ACYP2: variants seen among roughly 807,000 people sequenced by gnomAD.
ACYP2 encodes the protein acylphosphatase-2.
Under a neutral mutation model 11.2 loss-of-function variants are expected in ACYP2, and 12 were observed. The ratio of observed to expected loss-of-function variants is 1.08; its 90% CI spans 0.69 to 1.74. The LOEUF (loss-of-function observed/expected upper bound fraction) is 1.74. Ranked by LOEUF, ACYP2 falls within the 40% of genes most tolerant of loss-of-function variation. The probability of loss-of-function intolerance (pLI) is 0.00; values close to 1 mark genes in which losing one functional copy is unlikely to be tolerated. For synonymous variants in ACYP2, 43 were observed against 32.2 expected (o/e 1.33, Z -1.13); for missense variants, 134 against 101.9 (o/e 1.31, Z -1.35).
At chr2:54,204,699 A>G (rs1685001192) in intron 6 of ACYP2, among the ~76,000 whole-genome samples, 1 of 152,104 alleles carries the variant, frequency 6.6e-6, no homozygotes, top group African/African-American at 2.4e-5. Flanking sequence ...AGCTCCTTTG[A>G]TCTAAAAAAC....
chr2:54,053,991 C>G (rs74487521), intron 3 of ACYP2, among the ~76,000 whole-genome samples: 199 of 152,308 alleles, frequency 1.3e-3, no homozygotes, highest in Non-Finnish European at 2.0e-3. Context: ...GATGTTGATA[C>G]TGGCACAGAC....
Position 53,974,054 on chromosome 2 carries a change from G to A in ACYP2, c.62+244G>A, listed in dbSNP as rs192664129. Among the ~76,000 whole-genome samples the A allele has an allele frequency of 1.5e-3, 222 of 151,174 alleles. 1 individual carries two copies. Among genetic ancestry groups the A allele is most frequent in the African/African-American group, 4.9e-3 (200 of 41,188 alleles). On this transcript the variant is annotated intron_variant, in intron 2 of 6. Transcript: ENST00000607452. Reference sequence around the variant, plus strand: ...CTCGAGTAGCTGGGACCACAGGTGCGCACCACCACATCCAGATAATTTTTT... The same window carrying A: ...CTCGAGTAGCTGGGACCACAGGTGCACACCACCACATCCAGATAATTTTTT...
At chr2:53,973,900 TGTATATA>T (rs1671321592) in intron 2 of ACYP2, 1 of 103,888 alleles carries the variant, frequency 9.6e-6, no homozygotes, top group Non-Finnish European at 1.9e-5. Flanking sequence ...TGTGTGTGTG[TGTATATA>T]TTTTTTTTTT....
At chr2:53,974,762 T>C (rs1250642889) in intron 2 of ACYP2, among the ~76,000 whole-genome samples, 3 of 152,206 alleles carry the variant, frequency 2.0e-5, no homozygotes, top group East Asian at 1.9e-4. Context: ...CTATCATTCA[T>C]TGAGCATTTC....
intron 6 of ACYP2, among the ~76,000 whole-genome samples, chr2:54,159,269 G>T (rs192078111): frequency 6.6e-5 from 10 of 151,842 alleles, no homozygotes; most frequent in African/African-American, 9.7e-5. Context: ...ATTCGGTCAC[G>T]TGAAGGTGGC....
intron 2 of ACYP2, among the ~76,000 whole-genome samples, chr2:54,001,044 C>T (rs954329069): frequency 5.3e-5 from 8 of 152,128 alleles, no homozygotes; most frequent in Admixed American, 1.3e-4. Context: ...AAGAATCTCC[C>T]GGATGCTTAT....
At chr2:54,243,559 A>C (rs1040656509) in intron 6 of ACYP2, among the ~76,000 whole-genome samples, 6 of 151,976 alleles carry the variant, frequency 3.9e-5, no homozygotes, top group African/African-American at 1.5e-4. Flanking sequence ...TAGTGGCGCA[A>C]TCTCAGCTCA....
intron 2 of ACYP2, among the ~76,000 whole-genome samples, chr2:54,018,454 T>C (rs1673814453): frequency 6.6e-6 from 1 of 152,060 alleles, no homozygotes; most frequent in Admixed American, 6.6e-5. Context: ...AGTGTGAACA[T>C]TGTAGTAATT....
intron 6 of ACYP2, among the ~76,000 whole-genome samples, chr2:54,188,884 T>C (rs886144079): frequency 2.0e-5 from 3 of 152,106 alleles, no homozygotes. Flanking sequence ...ACGCTCTGCT[T>C]TCTCCTGTTT....
chr2:54,137,424 C>T (rs972570266), intron 5 of ACYP2, among the ~76,000 whole-genome samples: 1 of 152,138 alleles, frequency 6.6e-6, no homozygotes, highest in Non-Finnish European at 1.5e-5. Flanking sequence ...CTACTCCTCT[C>T]CCTCCTCCCA....
At chr2:54,058,075 G>T (rs953720529) in intron 4 of ACYP2, among the ~76,000 whole-genome samples, 3 of 152,114 alleles carry the variant, frequency 2.0e-5, no homozygotes, top group African/African-American at 7.2e-5. Context: ...GTCCCTGAGG[G>T]AGGTAGGGCA....
chr2:54,074,569 G>T (rs546760671), intron 4 of ACYP2, among the ~76,000 whole-genome samples: 1 of 145,760 alleles, frequency 6.9e-6, no homozygotes, highest in Non-Finnish European at 1.5e-5. Flanking sequence ...TATATAAATA[G>T]AACAGAATTT....
intron 6 of ACYP2, among the ~76,000 whole-genome samples, chr2:54,203,448 A>G (rs2103915304): frequency 6.6e-6 from 1 of 152,260 alleles, no homozygotes; most frequent in African/African-American, 2.4e-5. Flanking sequence ...AATATGAATG[A>G]CTTTTATTTC....
intron 6 of ACYP2, among the ~76,000 whole-genome samples, chr2:54,273,807 C>T (rs929334847): frequency 8.5e-5 from 13 of 152,156 alleles, no homozygotes; most frequent in African/African-American, 3.1e-4. Flanking sequence ...AACAGATATT[C>T]CAATAACCTT....
chr2:54,178,737 T>C (rs1312677054), intron 6 of ACYP2, among the ~76,000 whole-genome samples: 1 of 152,178 alleles, frequency 6.6e-6, no homozygotes, highest in Non-Finnish European at 1.5e-5. Context: ...TTGATCACCA[T>C]GTAACTTGAG....
chr2:54,201,666 CTTTCTTTCTTTCTT>C (rs1684827117), intron 6 of ACYP2, among the ~76,000 whole-genome samples: 22 of 93,662 alleles, frequency 2.3e-4, no homozygotes, highest in African/African-American at 6.1e-4. Context: ...TTCTTTCTTT[CTTTCTTTCTTTCTT>C]TCTCTCTCTC....
chr2:54,133,029 C>T (rs1408219863), intron 4 of ACYP2, among the ~76,000 whole-genome samples: 1 of 152,168 alleles, frequency 6.6e-6, no homozygotes, highest in Non-Finnish European at 1.5e-5. Flanking sequence ...CAGGTGTGAG[C>T]CACCACACCC....
chr2:54,213,831 G>A (rs1386770521), intron 6 of ACYP2, among the ~76,000 whole-genome samples: 1 of 151,726 alleles, frequency 6.6e-6, no homozygotes, highest in East Asian at 1.9e-4. Flanking sequence ...GCAGTGGCAT[G>A]AACGCTGCTC....
intron 6 of ACYP2, among the ~76,000 whole-genome samples, chr2:54,235,398 G>A (rs989958061): frequency 6.6e-6 from 1 of 152,076 alleles, no homozygotes; most frequent in African/African-American, 2.4e-5. Flanking sequence ...ACCCAGGCTG[G>A]AGTCCAGTGG....
Sources: gnomAD v4.1 joint callset for allele counts (sites outside exome capture counted in the v4.1 genomes callset) on GRCh38, gnomAD v4.1.1 for gene constraint, MANE v1.5 for transcripts, NCBI Gene and HGNC (gene_info 2026-07-23, HGNC 2026-07-21) for gene names.